The following RAB37 variants were observed in gnomAD, a reference collection of about 807,000 sequenced individuals.
The protein encoded by RAB37 is RAB37, member RAS oncogene family, also known as ras-related protein Rab-37.
A neutral mutation model predicts 33.1 loss-of-function variants in RAB37; 29 were observed. The ratio of observed to expected loss-of-function variants is 0.88; its 90% confidence interval spans 0.65 to 1.20. The LOEUF (loss-of-function observed/expected upper bound fraction) is 1.20. Ranked by LOEUF, RAB37 falls within the 50% of genes most tolerant of loss-of-function variation. The pLI is 0.00. For synonymous variants in RAB37, 128 were observed against 119.5 expected, an observed-to-expected ratio of 1.07 and a Z score of -0.47; for missense variants, 299 against 301.1, an observed-to-expected ratio of 0.99 and a Z score of 0.05.
rs576501595 is a variant in RAB37 at position 74,704,646 on chromosome 17, C to G, written c.73-24610C>G. 1 of 1,614,200 alleles carries G rather than the reference C, an allele frequency of 6.2e-7. No homozygotes were observed. The highest frequency in any genetic ancestry group is 1.7e-5 in the Admixed American group (1 of 60,014). ...ACCCGGTCCCTCTTCACCTCCTGCT[C>G]TGACCCACTGGTTTTAACAAGGATC... is the stretch of plus-strand genomic sequence containing the variant. On this transcript the variant is annotated intron_variant, in intron 1 of 7. Coordinates refer to the RAB37 transcript ENST00000340415.
At chr17:74,740,660 G>A in intron 1 of RAB37, 108 bp from the exon 2 acceptor site, 2 of 803,616 alleles carry the variant, frequency 2.5e-6, no homozygotes, top group Non-Finnish European at 4.3e-6. Context: ...GGTGCGGTCA[G>A]CATTCGTGCC....
At chr17:74,696,341 A>C in intron 1 of RAB37, 2 of 987,926 alleles carry the variant, frequency 2.0e-6, no homozygotes, top group Non-Finnish European at 1.5e-6. Flanking sequence ...AGAGACAGGG[A>C]CCTGGTTCTA....
At chr17:74,713,570 C>A (rs912054929) in intron 1 of RAB37, among the ~76,000 whole-genome samples, 3 of 152,038 alleles carry the variant, frequency 2.0e-5, no homozygotes, top group African/African-American at 4.8e-5. Flanking sequence ...CGCGGCTCCA[C>A]CAGAGGGGTC....
intron 1 of RAB37, among the ~76,000 whole-genome samples, chr17:74,705,648 AT>A (rs1321252670): frequency 6.6e-6 from 1 of 151,944 alleles, no homozygotes; most frequent in Non-Finnish European, 1.5e-5. Flanking sequence ...CAGTGGCACA[AT>A]CATGGCTCAA....
chr17:74,725,941 T>C (rs1448968344), intron 1 of RAB37, among the ~76,000 whole-genome samples: 3 of 148,176 alleles, frequency 2.0e-5, no homozygotes, highest in African/African-American at 7.4e-5. Flanking sequence ...CTAATGCTGA[T>C]AAAAAAAAGA....
At chr17:74,673,592 T>C (rs1379125937) in intron 1 of RAB37, among the ~76,000 whole-genome samples, 1 of 151,766 alleles carries the variant, frequency 6.6e-6, no homozygotes. Flanking sequence ...TGATCAGATG[T>C]GGTATTTTCC....
chr17:74,694,998 C>T lies in RAB37; in HGVS notation c.72+23340C>T, dbSNP rs974019801. On this transcript the variant is annotated intron_variant, in intron 1 of 7. Coordinates refer to the RAB37 transcript ENST00000340415. ...TGGCTGATCAGGCAGAGGCACCAGT[C>T]CCCGGGTTGGTCCTGATGAGGGGAG... 4.5e-6 allele frequency: 6 copies of T among 1,337,338 alleles called. No homozygotes were observed. The African/African-American group carries it at 7.4e-5, about 16-fold the overall frequency. The allele number at this position is 1,337,338 out of a possible 1,614,324, so 82.8% of individuals were successfully genotyped here.
chr17:74,696,050 GC>G, intron 1 of RAB37: 6 of 1,266,944 alleles, frequency 4.7e-6, no homozygotes, highest in Non-Finnish European at 5.5e-6. Context: ...CAGGCCCTCA[GC>G]CCCCAGGCCC....
chr17:74,678,056 A>T (rs2031878247), intron 1 of RAB37, among the ~76,000 whole-genome samples: 1 of 152,090 alleles, frequency 6.6e-6, no homozygotes, highest in African/African-American at 2.4e-5. Context: ...CAGGCTGGAG[A>T]ATTGTTGAAG....
chr17:74,671,905 C>A lies in RAB37; in HGVS notation c.72+247C>A, dbSNP rs577158691. Among the ~76,000 whole-genome samples, 32 of 152,266 alleles carry A rather than the reference C, an allele frequency of 2.1e-4. 1 individual carries two copies. In the South Asian group the frequency reaches 6.6e-3, roughly 32 times the overall value. On this transcript the variant is annotated intron_variant, in intron 1 of 7. Coordinates refer to the RAB37 transcript ENST00000340415. The surrounding 1 kb of genome is among the most constrained non-coding windows in gnomAD (Gnocchi z 5.0). ...TTCATTCACTTACATCATCTGTGTT[C>A]CTTTTTCACCCCCTCCTTCTCCTTG... is the stretch of plus-strand genomic sequence containing the variant.
intron 2 of RAB37, among the ~76,000 whole-genome samples, chr17:74,731,175 C>G (rs1038154048): frequency 6.6e-6 from 1 of 152,164 alleles, no homozygotes; most frequent in Non-Finnish European, 1.5e-5. Context: ...TGGGGGTCCC[C>G]GGAGAGCCAG....
At chr17:74,736,709 C>G, upstream of RAB37, 1 of 1,535,750 alleles carries the variant, frequency 6.5e-7, no homozygotes, top group East Asian at 2.4e-5. Flanking sequence ...CCCCAAAACA[C>G]CGCAGCGTAC....
chr17:74,683,850 G>A (rs1414609474), intron 1 of RAB37, among the ~76,000 whole-genome samples: 1 of 152,156 alleles, frequency 6.6e-6, no homozygotes, highest in Non-Finnish European at 1.5e-5. Context: ...ATTCACTGTC[G>A]AGGGGTGGTT....
In RAB37 at chr17:74,704,729, G is replaced by A. The variant is rs751989626; in HGVS notation, c.73-24527G>A. 8 of 1,614,182 alleles carry A rather than the reference G, an allele frequency of 5.0e-6. No homozygotes were observed. The Admixed American group carries it at 1.3e-4, about 27-fold the overall frequency. ...CCACTTCAAGTAGGTCTCCCAGCCTGATCTGTAAACACACTGCACGGTCAA... is the reference window on the plus strand; with the variant it reads ...CCACTTCAAGTAGGTCTCCCAGCCTAATCTGTAAACACACTGCACGGTCAA... On this transcript the variant is annotated intron_variant, in intron 1 of 7. Transcript: ENST00000340415.
At chr17:74,727,432 G>A (rs186473849) in intron 1 of RAB37, among the ~76,000 whole-genome samples, 120 of 152,340 alleles carry the variant, frequency 7.9e-4, no homozygotes, top group Middle Eastern at 3.4e-3. Flanking sequence ...AAGGTTGCAT[G>A]GAAGCATCCC....
chr17:74,704,893 C>T, intron 1 of RAB37: 1 of 1,143,670 alleles, frequency 8.7e-7, no homozygotes, highest in Non-Finnish European at 1.3e-6. Flanking sequence ...GGGAATAGCT[C>T]CCAAATCCAA....
intron 1 of RAB37, chr17:74,704,266 G>A: frequency 1.7e-6 from 1 of 573,964 alleles, no homozygotes; most frequent in South Asian, 2.2e-5. Context: ...GCCTAGAAAG[G>A]CTTAATCCCG....
At chr17:74,689,576 C>A (rs2032121903) in intron 1 of RAB37, among the ~76,000 whole-genome samples, 1 of 152,198 alleles carries the variant, frequency 6.6e-6, no homozygotes, top group Admixed American at 6.5e-5. Context: ...AATTTACCTA[C>A]TTGGTTCAGA....
chr17:74,695,325 GGA>G (rs1598198839), intron 1 of RAB37: 7 of 1,554,252 alleles, frequency 4.5e-6, no homozygotes, highest in Non-Finnish European at 5.3e-6. Flanking sequence ...AGCCCTCGGA[GGA>G]GGATAGTGGG....
Sources: allele counts gnomAD v4.1 joint callset (sites outside exome capture counted in the v4.1 genomes callset), GRCh38; gene constraint gnomAD v4.1.1; non-coding constraint Gnocchi (gnomAD v3.1); transcripts MANE v1.5; gene names NCBI Gene and HGNC (gene_info 2026-07-23, HGNC 2026-07-21).